GRIP1: variants seen among roughly 807,000 people sequenced by gnomAD.
GRIP1 encodes glutamate receptor-interacting protein 1.
Under a neutral mutation model 129.9 loss-of-function variants are expected in GRIP1, and 45 were observed. That is an observed-to-expected ratio of 0.35 (90% confidence interval 0.27 to 0.44). GRIP1 has a LOEUF of 0.44. GRIP1 is among the 20% of genes least tolerant of loss of function. The probability of loss-of-function intolerance (pLI) is 1.00; values close to 1 mark genes in which losing one functional copy is unlikely to be tolerated. For missense variants in GRIP1, 1,196 were observed against 1,396.8 expected (o/e 0.86, Z 2.29); for synonymous variants, 530 against 520.8 (o/e 1.02, Z -0.24).
rs747215923 is a variant in GRIP1 at position 66,379,403 on chromosome 12, T to C, written c.2498A>G (p.Asn833Ser). 111 of 1,614,046 alleles carry C rather than the reference T, an allele frequency of 6.9e-5. No homozygotes were observed. Among genetic ancestry groups the C allele is most frequent in the Non-Finnish European group, 8.6e-5 (102 of 1,179,996 alleles). Residue 833 changes from asparagine to serine, a missense_variant, in exon 20 of 25, where the codon AAC becomes AGC. Physicochemically the swap from Asn to Ser is conservative, Grantham distance 46. Around this residue, in one of 5 missense-constraint regions of GRIP1, gnomAD observed 427 missense variants for 463.3 expected, o/e 0.92. Coordinates refer to ENST00000359742, the MANE Select transcript of GRIP1 (RefSeq NM_001366722.1). ...TSFQASGYNF[N>S]TYDWRSPKQR... ...TTTTGGACTCCTCCAGTCATAGGTG[T>C]TGAAATTGTATCCTGAGGCCTGAAA... is the stretch of plus-strand genomic sequence containing the variant.
upstream of GRIP1, chr12:66,679,295 C>A (rs2034485319): frequency 1.3e-5 from 5 of 373,768 alleles, no homozygotes; most frequent in African/African-American, 2.1e-5. Flanking sequence ...TGTATCCAGT[C>A]AGTTCAGCCA....
At chr12:66,910,012 G>T (rs1223305872) in intron 1 of GRIP1, among the ~76,000 whole-genome samples, 3 of 152,006 alleles carry the variant, frequency 2.0e-5, no homozygotes, top group Non-Finnish European at 2.9e-5. Context: ...TCTGTCTCTG[G>T]TCAGTGCATT....
At chr12:66,861,688 T>C (rs1357596540) in intron 1 of GRIP1, among the ~76,000 whole-genome samples, 2 of 152,112 alleles carry the variant, frequency 1.3e-5, no homozygotes, top group Non-Finnish European at 2.9e-5. Flanking sequence ...AATAAAATAA[T>C]AGTTCACACT....
intron 1 of GRIP1, among the ~76,000 whole-genome samples, chr12:66,863,766 T>C (rs1474075872): frequency 1.3e-5 from 2 of 152,066 alleles, no homozygotes; most frequent in South Asian, 2.1e-4. Flanking sequence ...TTTTTCAGGA[T>C]CCACTGCAGA....
intron 2 of GRIP1, among the ~76,000 whole-genome samples, chr12:66,591,195 G>C (rs1375752937): frequency 6.6e-6 from 1 of 152,192 alleles, no homozygotes; most frequent in Non-Finnish European, 1.5e-5. Context: ...AGACATGGGA[G>C]AGGGACAGAA....
At chr12:66,873,494 CTCTACA>C (rs1262940276) in intron 1 of GRIP1, among the ~76,000 whole-genome samples, 1 of 152,060 alleles carries the variant, frequency 6.6e-6, no homozygotes, top group Non-Finnish European at 1.5e-5. Flanking sequence ...TATCAAAATA[CTCTACA>C]TCTCCTATAG....
At chr12:66,582,510 T>G (rs74538693) in intron 2 of GRIP1, among the ~76,000 whole-genome samples, 21,894 of 128,316 alleles carry the variant, frequency 0.17, 1,906 homozygotes, top group Admixed American at 0.19. Context: ...GAAAACCCCA[T>G]TGTCTCAGCC....
intron 2 of GRIP1, among the ~76,000 whole-genome samples, chr12:66,570,681 T>C (rs2062931430): frequency 6.6e-6 from 1 of 152,204 alleles, no homozygotes; most frequent in African/African-American, 2.4e-5. Flanking sequence ...CACAGGCTTC[T>C]TCCAAAGTCT....
intron 15 of GRIP1, among the ~76,000 whole-genome samples, chr12:66,408,378 C>T (rs2057271863): frequency 6.6e-6 from 1 of 152,148 alleles, no homozygotes; most frequent in African/African-American, 2.4e-5. Flanking sequence ...ATTCGGGAGG[C>T]TGAGGCAGGA....
In GRIP1 at chr12:66,377,638, CTT is replaced by C. The variant is rs3045282; in HGVS notation, c.2622-355_2622-354del. Among the ~76,000 whole-genome samples the C allele has an allele frequency of 5.0e-3, 628 of 124,560 alleles. 3 individuals carry two copies. Among genetic ancestry groups the C allele is most frequent in the Non-Finnish European group, 7.4e-3 (445 of 60,260 alleles). The allele number at this position is 124,560 out of a possible 152,430, so 81.7% of individuals were successfully genotyped here. A position where few individuals can be genotyped will look rare whatever the true frequency, so the allele number is the denominator to read the frequency against. Reference sequence around the variant, plus strand: ...GTAGGCGTGAGCCACCGCACCCGGCCTTTTTTTTTTTTTTTTTTGGATTCAGA... The same window carrying C: ...GTAGGCGTGAGCCACCGCACCCGGCCTTTTTTTTTTTTTTTTGGATTCAGA... On this transcript the variant is annotated intron_variant, in intron 20 of 24. Transcript: ENST00000359742.
intron 8 of GRIP1, among the ~76,000 whole-genome samples, chr12:66,464,018 G>C (rs1016576793): frequency 3.9e-5 from 6 of 152,218 alleles, no homozygotes; most frequent in Non-Finnish European, 8.8e-5. Context: ...CCACTACGGG[G>C]GGTTGCTGCA....
chr12:66,993,869 A>T (rs767460759), intron 1 of GRIP1, among the ~76,000 whole-genome samples: 5 of 152,082 alleles, frequency 3.3e-5, no homozygotes, highest in Non-Finnish European at 7.4e-5. Flanking sequence ...ACTATAAAGG[A>T]ATACTATAAA....
chr12:66,423,634 C>T (rs929756973), intron 14 of GRIP1, among the ~76,000 whole-genome samples: 9 of 152,160 alleles, frequency 5.9e-5, no homozygotes, highest in African/African-American at 2.2e-4. Flanking sequence ...CGCCTCTGCT[C>T]TGGGCACTGG....
At chr12:66,540,945 T>C (rs1192527916) in intron 3 of GRIP1, among the ~76,000 whole-genome samples, 1 of 152,080 alleles carries the variant, frequency 6.6e-6, no homozygotes, top group Non-Finnish European at 1.5e-5. Flanking sequence ...ATTACAGGCA[T>C]GTGCCATCAC....
intron 2 of GRIP1, among the ~76,000 whole-genome samples, chr12:66,562,371 A>AT (rs1201169326): frequency 1.3e-5 from 2 of 152,072 alleles, no homozygotes; most frequent in African/African-American, 4.8e-5. Flanking sequence ...GTGATGCTGC[A>AT]TTTTTTACAG....
intron 7 of GRIP1, among the ~76,000 whole-genome samples, chr12:66,503,370 C>A (rs754492108): frequency 2.6e-5 from 4 of 152,048 alleles, no homozygotes; most frequent in Non-Finnish European, 5.9e-5. Context: ...ATAAGGAGGG[C>A]ACATGCAGGC....
Position 66,378,480 on chromosome 12 carries a change from G to T in GRIP1, c.2621+800C>A, listed in dbSNP as rs146293051. On this transcript the variant is annotated intron_variant, in intron 20 of 24. Transcript: ENST00000359742. The stretch of plus-strand genomic sequence containing the variant: ...AATAAAAAATAGGCTGGGCACGGTG[G>T]CTCACACCTGTAATCCCAGCACTTT... Among the ~76,000 whole-genome samples the T allele has an allele frequency of 4.4e-3, 666 of 151,460 alleles. 3 individuals carry two copies. Among genetic ancestry groups the T allele is most frequent in the African/African-American group, 0.014 (577 of 41,260 alleles).
chr12:66,463,235 C>G, intron 8 of GRIP1, 142 bp from the exon 9 acceptor site: 1 of 731,010 alleles, frequency 1.4e-6, no homozygotes, highest in Non-Finnish European at 2.4e-6. Flanking sequence ...ATAGGAAACA[C>G]CATCTGCCAA....
At chr12:66,678,140 T>C (rs778857678) in intron 1 of GRIP1, among the ~76,000 whole-genome samples, 1 of 152,140 alleles carries the variant, frequency 6.6e-6, no homozygotes, top group African/African-American at 2.4e-5. Context: ...GTAAACGAGA[T>C]GGCACATCCA....
Sources: allele counts gnomAD v4.1 joint callset (sites outside exome capture counted in the v4.1 genomes callset), GRCh38; gene constraint gnomAD v4.1.1; regional missense constraint gnomAD v4.1.1; transcripts MANE v1.5; gene names NCBI Gene and HGNC (gene_info 2026-07-23, HGNC 2026-07-21).